The following CACNA1C variants were observed in gnomAD, a reference collection of about 807,000 sequenced individuals.
The protein encoded by CACNA1C is voltage-dependent L-type calcium channel subunit alpha-1C.
A neutral mutation model predicts 229.0 loss-of-function variants in CACNA1C; 30 were observed. The ratio of observed to expected loss-of-function variants is 0.13; its 90% CI spans 0.10 to 0.18. The LOEUF (loss-of-function observed/expected upper bound fraction) is 0.18, where lower values mean the gene tolerates loss of function less well. Among genes scored for constraint, CACNA1C ranks in the 10% least tolerant of loss-of-function variants. The probability of loss-of-function intolerance (pLI) is 1.00; values close to 1 mark genes in which losing one functional copy is unlikely to be tolerated. For synonymous variants in CACNA1C, 1,114 were observed against 1,132.5 expected (o/e 0.98, Z 0.33); for missense variants, 1,658 against 2,845.0 (o/e 0.58, Z 9.49).
chr12:2,361,912 A>G (rs1187745001), intron 3 of CACNA1C, among the ~76,000 whole-genome samples: 1 of 152,236 alleles, frequency 6.6e-6, no homozygotes, highest in Non-Finnish European at 1.5e-5. Context: ...TTTTGGAGAC[A>G]GATGGAGTGT....
At chr12:2,244,959 C>T (rs1477999663) in intron 3 of CACNA1C, among the ~76,000 whole-genome samples, 1 of 152,202 alleles carries the variant, frequency 6.6e-6, no homozygotes, top group Non-Finnish European at 1.5e-5. Context: ...TGTCTGCTCA[C>T]CCTGACATTC....
intron 3 of CACNA1C, among the ~76,000 whole-genome samples, chr12:2,228,343 T>G (rs1566532660): frequency 1.3e-5 from 2 of 152,206 alleles, no homozygotes; most frequent in Admixed American, 1.3e-4. Flanking sequence ...AGGTACTTCT[T>G]TATCTTACAC....
intron 3 of CACNA1C, among the ~76,000 whole-genome samples, chr12:2,326,269 G>A (rs1281976397): frequency 4.6e-5 from 7 of 152,160 alleles, no homozygotes; most frequent in African/African-American, 1.7e-4. Flanking sequence ...CAGAGGGAAC[G>A]CGCTGATCTC....
rs557059643 is a variant in CACNA1C, at chr12:2,500,125, GTCC to G, written c.1114-4712_1114-4710del. Among the ~76,000 whole-genome samples, 163 of 152,290 alleles carry G rather than the reference GTCC, an allele frequency of 1.1e-3. 5 individuals are homozygous for G. The South Asian group carries it at 0.033, about 30-fold the overall frequency. ...CCTCGTCCGTCTCCATCTCTCATCT[GTCC>G]TCCTGCTTCCTGCCCTCGCCTGCTG... is the stretch of plus-strand genomic sequence containing the variant. On this transcript the variant is annotated intron_variant, in intron 7 of 46. Coordinates refer to ENST00000399655, the MANE Select transcript of CACNA1C (RefSeq NM_000719.7).
intron 3 of CACNA1C, among the ~76,000 whole-genome samples, chr12:2,325,115 T>A (rs1460585957): frequency 6.6e-6 from 1 of 152,186 alleles, no homozygotes; most frequent in Non-Finnish European, 1.5e-5. Context: ...TCTGCAGTCC[T>A]GTAAAGCGGA....
chr12:2,207,871 C>G (rs1458842381), intron 3 of CACNA1C, among the ~76,000 whole-genome samples: 1 of 152,082 alleles, frequency 6.6e-6, no homozygotes, highest in Non-Finnish European at 1.5e-5. Flanking sequence ...GCGTTTCCCA[C>G]AGAACATCTG....
chr12:2,557,982 A>G (rs1181205796), intron 11 of CACNA1C, among the ~76,000 whole-genome samples: 1 of 152,224 alleles, frequency 6.6e-6, no homozygotes, highest in Non-Finnish European at 1.5e-5. Context: ...GCCAAAAAAT[A>G]TTGGTTATTT....
upstream of CACNA1C, among the ~76,000 whole-genome samples, chr12:2,052,591 G>A (rs955251440): frequency 6.9e-6 from 1 of 145,100 alleles, no homozygotes; most frequent in Non-Finnish European, 1.5e-5. Flanking sequence ...CGCCGGCGGG[G>A]CGCGAGGGGG....
Position 2,354,314 on chromosome 12 carries a change from A to C in CACNA1C, c.478-94662A>C, listed in dbSNP as rs1434171229. Reference sequence around the variant, plus strand: ...AGCAGGAAACACAGAGCAGAAAGCCACGCACACAGCTTGTGTTTCCTCTGG... The same window carrying C: ...AGCAGGAAACACAGAGCAGAAAGCCCCGCACACAGCTTGTGTTTCCTCTGG... On this transcript the variant is annotated intron_variant, in intron 3 of 46. Transcript: ENST00000399655. This position sits in a 1 kb window ranked among gnomAD's most constrained non-coding sequence, Gnocchi z 4.6. 6.6e-6 allele frequency among the ~76,000 whole-genome samples: 1 copy of C among 152,170 alleles called. No homozygotes were observed. The highest frequency in any genetic ancestry group is 6.5e-5 in the Admixed American group (1 of 15,284).
At chr12:2,642,736 A>G in intron 30 of CACNA1C, among the ~76,000 whole-genome samples, 1 of 152,146 alleles carries the variant, frequency 6.6e-6, no homozygotes, top group East Asian at 1.9e-4. Context: ...AGTTAGTACT[A>G]CTGGCACCTT....
intron 3 of CACNA1C, among the ~76,000 whole-genome samples, chr12:2,295,638 G>A (rs1350841860): frequency 6.6e-6 from 1 of 152,220 alleles, no homozygotes; most frequent in Non-Finnish European, 1.5e-5. Context: ...TGGTTTTTAA[G>A]TAATAACAAT....
chr12:2,595,792 G>T lies in CACNA1C; in HGVS notation c.2664-82G>T. ...GTTGCCAGCTGCTGGGGAGAGCTGA[G>T]GAGAGGGGCTCCCAAGAGCCGACTG... On this transcript the variant is annotated intron_variant, in intron 19 of 46. Coordinates refer to ENST00000399655, the MANE Select transcript of CACNA1C (RefSeq NM_000719.7). The surrounding 1 kb of genome is among the most constrained non-coding windows in gnomAD (Gnocchi z 4.1). The T allele has an allele frequency of 7.2e-7, 1 of 1,394,404 alleles. No homozygotes were observed. 86.4% of individuals were successfully genotyped at this position (1,394,404 alleles called of 1,614,324 possible).
intron 3 of CACNA1C, among the ~76,000 whole-genome samples, chr12:2,322,676 C>A (rs1229181955): frequency 1.3e-5 from 2 of 152,228 alleles, no homozygotes; most frequent in Non-Finnish European, 2.9e-5. Context: ...CTGCTCACCC[C>A]AAATGCTTTG....
At chr12:2,554,002 A>G (rs1004803054) in intron 10 of CACNA1C, among the ~76,000 whole-genome samples, 1 of 152,222 alleles carries the variant, frequency 6.6e-6, no homozygotes, top group African/African-American at 2.4e-5. Context: ...TGATGACTGC[A>G]GTGCCATCTG....
rs576716059 is a variant in CACNA1C, at chr12:2,483,161, G to A, written c.758-2943G>A. 3.3e-5 allele frequency among the ~76,000 whole-genome samples: 5 copies of A among 152,312 alleles called. No homozygotes were observed. In the East Asian group the frequency reaches 5.8e-4, roughly 18 times the overall value. ...ATGGCTTTCCAGGCAGGGGAGCCGCGTGCGCTGGGATTGGAGGCACGAAGC... is the reference window on the plus strand; with the variant it reads ...ATGGCTTTCCAGGCAGGGGAGCCGCATGCGCTGGGATTGGAGGCACGAAGC... On this transcript the variant is annotated intron_variant, in intron 5 of 46. Transcript: ENST00000399655.
intron 3 of CACNA1C, among the ~76,000 whole-genome samples, chr12:2,257,113 C>A (rs910901532): frequency 1.3e-5 from 2 of 152,148 alleles, no homozygotes; most frequent in African/African-American, 2.4e-5. Context: ...GTGTTAACAT[C>A]CAGCACTCAG....
intron 3 of CACNA1C, among the ~76,000 whole-genome samples, chr12:2,445,217 C>T (rs1417099296): frequency 1.3e-5 from 2 of 152,178 alleles, no homozygotes; most frequent in African/African-American, 2.4e-5. Context: ...CTTCGAGATT[C>T]AGCTTGAAGA....
chr12:2,465,329 G>A (rs1238738709), intron 5 of CACNA1C, among the ~76,000 whole-genome samples: 3 of 152,192 alleles, frequency 2.0e-5, no homozygotes, highest in Admixed American at 6.5e-5. Context: ...GACTTGCATA[G>A]TGTAGATGAT....
chr12:2,613,395 T>C (rs988943178), intron 29 of CACNA1C: 2 of 152,220 alleles, frequency 1.3e-5, no homozygotes, highest in African/African-American at 4.8e-5. Context: ...TCCACCACAC[T>C]GAGGTTAACT....
Sources: gnomAD v4.1 joint callset for allele counts (sites outside exome capture counted in the v4.1 genomes callset) on GRCh38, gnomAD v4.1.1 for gene constraint, Gnocchi (gnomAD v3.1) non-coding constraint, MANE v1.5 for transcripts, NCBI Gene and HGNC (gene_info 2026-07-23, HGNC 2026-07-21) for gene names.